PIBF1: variants seen among roughly 807,000 people sequenced by gnomAD.
PIBF1 encodes progesterone-induced-blocking factor 1.
Under a neutral mutation model 112.5 loss-of-function variants are expected in PIBF1, and 90 were observed. The observed-to-expected ratio is 0.80, with a 90% CI of 0.67 to 0.95. The LOEUF is 0.95. Ranked by LOEUF, PIBF1 falls within the 40% of genes least tolerant of loss-of-function variation. PIBF1 has a pLI of 0.00. For missense variants in PIBF1, 915 were observed against 852.3 expected, an observed-to-expected ratio of 1.07 and a Z score of -0.92; for synonymous variants, 301 against 288.6, an observed-to-expected ratio of 1.04 and a Z score of -0.44.
chr13:72,973,808 G>A (rs2042957943), intron 16 of PIBF1, 133 bp downstream of exon 16: 1 of 563,604 alleles, frequency 1.8e-6, no homozygotes, highest in African/African-American at 2.0e-5. Context: ...CTGTAATTTT[G>A]TCCTTTTTTA....
At chr13:72,784,275 TAAAAAAA>T (rs5804646) in intron 2 of PIBF1, among the ~76,000 whole-genome samples, 3 of 123,972 alleles carry the variant, frequency 2.4e-5, no homozygotes, top group African/African-American at 6.2e-5. Context: ...CAGCTCTACT[TAAAAAAA>T]AAAAAAAAAA....
intron 13 of PIBF1, among the ~76,000 whole-genome samples, chr13:72,930,013 T>C (rs1426937978): frequency 6.6e-6 from 1 of 151,968 alleles, no homozygotes; most frequent in Non-Finnish European, 1.5e-5. Flanking sequence ...GCATGCACCA[T>C]CATGCCCAGC....
intron 14 of PIBF1, among the ~76,000 whole-genome samples, chr13:72,952,035 C>CTTTTTTTTTTTTTTTTTT (rs67211238): frequency 1.4e-4 from 17 of 122,968 alleles, no homozygotes; most frequent in Non-Finnish European, 2.2e-4. Context: ...TTTCTTTTCT[C>CTTTTTTTTTTTTTTTTTT]TTTTTTTTTT....
chr13:72,879,321 T>C (rs549620233), intron 10 of PIBF1, among the ~76,000 whole-genome samples: 2 of 152,244 alleles, frequency 1.3e-5, no homozygotes, highest in Non-Finnish European at 2.9e-5. Flanking sequence ...TTAAAGTGTT[T>C]TTAGTATCAG....
In PIBF1 at chr13:72,797,903, C is replaced by A. The variant is rs1294214364; in HGVS notation, c.553-4C>A. On this transcript the variant is annotated splice_region_variant and splice_polypyrimidine_tract_variant and intron_variant, in intron 4 of 17. Coordinates refer to ENST00000326291, the MANE Select transcript of PIBF1 (RefSeq NM_006346.4). ...GACTGCTTATTAATTTAATTTTTTTCAAGGTTCGCTTCTATGAGCTAGTGA... is the reference window on the plus strand; with the variant it reads ...GACTGCTTATTAATTTAATTTTTTTAAAGGTTCGCTTCTATGAGCTAGTGA... 1 of 1,570,240 alleles carries A rather than the reference C, an allele frequency of 6.4e-7. No homozygotes were observed. The highest frequency in any genetic ancestry group is 1.2e-5 in the South Asian group (1 of 83,012).
At chr13:72,807,312 C>T (rs1008290470) in intron 5 of PIBF1, among the ~76,000 whole-genome samples, 2 of 152,100 alleles carry the variant, frequency 1.3e-5, no homozygotes, top group African/African-American at 2.4e-5. Context: ...CAGTGGCTCT[C>T]GCCTGTAATC....
chr13:72,846,292 T>C (rs1275335788), intron 9 of PIBF1, among the ~76,000 whole-genome samples: 1 of 152,206 alleles, frequency 6.6e-6, no homozygotes, highest in African/African-American at 2.4e-5. Context: ...TTTTTTCACA[T>C]TCCATATTCT....
rs747219300 is a variant in PIBF1 at position 72,797,865 on chromosome 13, A to G, written c.553-42A>G. The G allele has an allele frequency of 3.4e-6, 5 of 1,479,226 alleles. No individual in the cohort carries two copies. In the South Asian group the frequency reaches 6.6e-5, roughly 20 times the overall value. 91.6% of individuals were successfully genotyped at this position (1,479,226 alleles called of 1,614,324 possible). Reference sequence around the variant, plus strand: ...ACTACAAATTACAAATTTTAATTGTAATTTGGATTTAAGACTGCTTATTAA... The same window carrying G: ...ACTACAAATTACAAATTTTAATTGTGATTTGGATTTAAGACTGCTTATTAA... On this transcript the variant is annotated intron_variant, in intron 4 of 17. Transcript: ENST00000326291.
intron 11 of PIBF1, among the ~76,000 whole-genome samples, chr13:72,895,219 A>G (rs1276573528): frequency 6.6e-6 from 1 of 151,912 alleles, no homozygotes; most frequent in African/African-American, 2.4e-5. Flanking sequence ...GAAATTATAT[A>G]GGAAAAATAA....
intron 2 of PIBF1, among the ~76,000 whole-genome samples, chr13:72,788,307 A>G (rs532448453): frequency 6.6e-6 from 1 of 152,350 alleles, no homozygotes; most frequent in South Asian, 2.1e-4. Flanking sequence ...CAGGGTTTCA[A>G]GGATTAAGTT....
intron 2 of PIBF1, among the ~76,000 whole-genome samples, chr13:72,786,253 G>T (rs1402996044): frequency 1.3e-5 from 2 of 152,020 alleles, no homozygotes; most frequent in Admixed American, 1.3e-4. Flanking sequence ...TTTCTAGTTT[G>T]ACTGAAAATG....
intron 11 of PIBF1, 27 bp downstream of exon 11, chr13:72,893,976 A>G (rs758331170): frequency 1.5e-6 from 2 of 1,350,012 alleles, no homozygotes; most frequent in Admixed American, 4.4e-5. Flanking sequence ...TTCTTTCAAC[A>G]TTAGCATGGC....
At chr13:72,936,920 A>G (rs145411846) in intron 14 of PIBF1, among the ~76,000 whole-genome samples, 18 of 152,270 alleles carry the variant, frequency 1.2e-4, no homozygotes, top group Admixed American at 3.9e-4. Context: ...AACATACTGT[A>G]TCTTTACCCT....
At position 72,894,655 on chromosome 13, in the gene PIBF1, A is replaced by T. The variant is rs1218234653; in HGVS notation, c.1488+706A>T. ...TAAATGATGCTGTGATAATCATTTG[A>T]ATATTTAGAGAAAATAGTTGACTCA... On this transcript the variant is annotated intron_variant, in intron 11 of 17. Coordinates refer to ENST00000326291, the MANE Select transcript of PIBF1 (RefSeq NM_006346.4). Among the ~76,000 whole-genome samples the T allele has an allele frequency of 4.6e-5, 7 of 151,234 alleles. No individual in the cohort carries two copies. The East Asian group carries it at 1.3e-3, about 29-fold the overall frequency.
At chr13:72,894,698 G>A (rs112392905) in intron 11 of PIBF1, among the ~76,000 whole-genome samples, 4 of 148,440 alleles carry the variant, frequency 2.7e-5, no homozygotes, top group African/African-American at 9.9e-5. Context: ...ATACCGTATA[G>A]CAAAATTAAA....
At chr13:72,805,197 C>T (rs922233742) in intron 5 of PIBF1, among the ~76,000 whole-genome samples, 1 of 152,178 alleles carries the variant, frequency 6.6e-6, no homozygotes, top group Admixed American at 6.5e-5. Flanking sequence ...GGCTGGCATG[C>T]AGTGGCACGA....
intron 10 of PIBF1, among the ~76,000 whole-genome samples, chr13:72,884,915 T>C (rs904762525): frequency 6.6e-6 from 1 of 152,156 alleles, no homozygotes; most frequent in Non-Finnish European, 1.5e-5. Flanking sequence ...TCTTATTATG[T>C]GATTTAGTTC....
chr13:72,885,868 C>T (rs1361012254), intron 10 of PIBF1, among the ~76,000 whole-genome samples: 1 of 152,110 alleles, frequency 6.6e-6, no homozygotes, highest in African/African-American at 2.4e-5. Flanking sequence ...AATGATCCAT[C>T]TTTACTACCA....
At chr13:72,842,087 C>T (rs141842612) in intron 9 of PIBF1, among the ~76,000 whole-genome samples, 3 of 152,232 alleles carry the variant, frequency 2.0e-5, no homozygotes, top group African/African-American at 4.8e-5. Flanking sequence ...GTAATACAGA[C>T]GTAGAGGGTC....
Sources: gnomAD v4.1 joint callset for allele counts (sites outside exome capture counted in the v4.1 genomes callset) on GRCh38, gnomAD v4.1.1 for gene constraint, MANE v1.5 for transcripts, NCBI Gene and HGNC (gene_info 2026-07-23, HGNC 2026-07-21) for gene names.